Variants in ANO2 observed in about 807,000 individuals in gnomAD.
ANO2 encodes the protein anoctamin-2.
ANO2 carries 101 observed loss-of-function variants against 124.2 expected under a neutral mutation model. That is an observed-to-expected ratio of 0.81 (90% CI 0.69 to 0.96). The LOEUF (loss-of-function observed/expected upper bound fraction) is 0.96, where lower values mean the gene tolerates loss of function less well. Among genes scored for constraint, ANO2 ranks in the 40% least tolerant of loss-of-function variants. The pLI, the probability that ANO2 is intolerant of heterozygous loss-of-function variation, is 0.00. For missense variants in ANO2, 1,293 were observed against 1,274.5 expected (o/e 1.01, Z -0.22); for synonymous variants, 486 against 482.5 (o/e 1.01, Z -0.09).
rs534247417 is a variant in ANO2, at chr12:5,635,851, T to C, written c.1621-504A>G. 3.5e-4 allele frequency among the ~76,000 whole-genome samples: 53 copies of C among 152,282 alleles called. 1 individual carries two copies. The South Asian group carries it at 9.7e-3, about 28-fold the overall frequency. On this transcript the variant is annotated intron_variant, in intron 15 of 24. Coordinates refer to ENST00000682330, the MANE Select transcript of ANO2 (RefSeq NM_001364791.2). This position sits in a 1 kb window ranked among gnomAD's most constrained non-coding sequence, Gnocchi z 5.2. ...TAAATTTGAGTGGTCAGGGAATAGTTTGTGGAGACAGTGGGATTTAAAATG... is the reference window on the plus strand; with the variant it reads ...TAAATTTGAGTGGTCAGGGAATAGTCTGTGGAGACAGTGGGATTTAAAATG...
At chr12:5,638,329 G>A (rs1176187326) in intron 15 of ANO2, among the ~76,000 whole-genome samples, 1 of 146,842 alleles carries the variant, frequency 6.8e-6, no homozygotes, top group Non-Finnish European at 1.5e-5. Context: ...TCCGCCTCCT[G>A]GGTTCACGCC....
At chr12:5,617,074 C>CGTACCGCACTCTCCAGATCACACT in intron 16 of ANO2, among the ~76,000 whole-genome samples, 1 of 150,920 alleles carries the variant, frequency 6.6e-6, no homozygotes, top group Non-Finnish European at 1.5e-5. Flanking sequence ...CAGATTACAC[C>CGTACCGCACTCTCCAGATCACACT]GTACCGCACT....
Position 5,922,589 on chromosome 12 carries a change from T to TTG in ANO2, c.207+30_207+31insCA. The TTG allele has an allele frequency of 6.9e-6, 10 of 1,449,798 alleles. No individual in the cohort carries two copies. In the African/African-American group the frequency reaches 1.2e-4, roughly 17 times the overall value. 89.8% of individuals were successfully genotyped at this position (1,449,798 alleles called of 1,614,324 possible). ...GGTGGCCTGCAACAGGGCTGGCCTA[T>TTG]CCCCCCACCCCACCCCCGCCCAGTA... On this transcript the variant is annotated intron_variant, in intron 2 of 24. Coordinates refer to ENST00000682330, the MANE Select transcript of ANO2 (RefSeq NM_001364791.2).
chr12:5,799,023 C>T (rs143384693), intron 10 of ANO2, among the ~76,000 whole-genome samples: 25 of 152,318 alleles, frequency 1.6e-4, no homozygotes, highest in Admixed American at 4.6e-4. Context: ...AACCCAGGGC[C>T]TAGTCTCTCC....
intron 4 of ANO2, among the ~76,000 whole-genome samples, chr12:5,846,747 C>T (rs567798592): frequency 1.2e-4 from 19 of 152,318 alleles, no homozygotes; most frequent in Non-Finnish European, 2.1e-4. Flanking sequence ...CTTCTCCCCT[C>T]TCAAATCTCC....
chr12:5,633,393 C>T (rs1432137649), intron 16 of ANO2, among the ~76,000 whole-genome samples: 1 of 152,158 alleles, frequency 6.6e-6, no homozygotes, highest in Admixed American at 6.5e-5. Flanking sequence ...CTCAGTTTTA[C>T]AGCTGATATT....
Position 5,821,723 on chromosome 12 carries a change from G to A in ANO2, c.892+6046C>T, listed in dbSNP as rs532805446. On this transcript the variant is annotated intron_variant, in intron 7 of 24. Coordinates refer to ENST00000682330, the MANE Select transcript of ANO2 (RefSeq NM_001364791.2). The stretch of plus-strand genomic sequence containing the variant: ...TGAACGTTTGACTATGGGTCATAAA[G>A]TCACCATGGCACCTGAACTGCCTAT... Among the ~76,000 whole-genome samples the A allele has an allele frequency of 1.4e-4, 22 of 152,336 alleles. No homozygotes were observed. In the East Asian group the frequency reaches 4.2e-3, roughly 29 times the overall value.
Position 5,769,591 on chromosome 12 carries a change from C to T in ANO2, c.1056-18621G>A, listed in dbSNP as rs1170442518. Among the ~76,000 whole-genome samples the T allele has an allele frequency of 6.6e-6, 1 of 152,182 alleles. No homozygotes were observed. Among genetic ancestry groups the T allele is most frequent in the African/African-American group, 2.4e-5 (1 of 41,440 alleles). ...CCAAGAGAAACGGTAAAGGCAAGTC[C>T]TGATTCCAGGTCTCCCTACCTACCT... On this transcript the variant is annotated intron_variant, in intron 10 of 24. Transcript: ENST00000682330. This position sits in a 1 kb window ranked among gnomAD's most constrained non-coding sequence, Gnocchi z 4.0.
intron 4 of ANO2, among the ~76,000 whole-genome samples, chr12:5,850,138 G>A (rs767236620): frequency 2.6e-4 from 40 of 151,562 alleles, no homozygotes; most frequent in East Asian, 2.0e-4. Context: ...ATCTGGGGCC[G>A]GGTGCAGTGG....
At chr12:5,683,616 A>G (rs1948589913) in intron 14 of ANO2, among the ~76,000 whole-genome samples, 1 of 152,086 alleles carries the variant, frequency 6.6e-6, no homozygotes, top group Admixed American at 6.5e-5. Context: ...CCATGTCCTA[A>G]TTTTCAGTTC....
intron 12 of ANO2, chr12:5,740,016 A>T: frequency 2.2e-6 from 1 of 455,210 alleles, no homozygotes; most frequent in Admixed American, 2.4e-5. Context: ...ATAGTTGTAG[A>T]ATGCCTGCCA....
At chr12:5,716,065 A>T (rs1175335966) in intron 14 of ANO2, among the ~76,000 whole-genome samples, 8 of 152,216 alleles carry the variant, frequency 5.3e-5, no homozygotes, top group East Asian at 3.8e-4. Context: ...AATTTACATT[A>T]AAAAAGGGTT....
At chr12:5,647,888 T>C in intron 14 of ANO2, 87 bp from the exon 15 acceptor site, 8 of 959,994 alleles carry the variant, frequency 8.3e-6, no homozygotes, top group Non-Finnish European at 1.3e-5. Context: ...TTGCATGCGA[T>C]TGATCATTAT....
chr12:5,916,199 C>G (rs1305413568), intron 3 of ANO2, among the ~76,000 whole-genome samples: 2 of 152,066 alleles, frequency 1.3e-5, no homozygotes, highest in Non-Finnish European at 2.9e-5. Flanking sequence ...ATCACCGGCA[C>G]CTGGGGAGTT....
intron 20 of ANO2, among the ~76,000 whole-genome samples, chr12:5,589,945 C>A (rs1943313218): frequency 6.6e-6 from 1 of 151,964 alleles, no homozygotes; most frequent in African/African-American, 2.4e-5. Context: ...TTTTTGGACA[C>A]CGGAGGGATA....
intron 14 of ANO2, among the ~76,000 whole-genome samples, chr12:5,666,548 T>G: frequency 6.6e-6 from 1 of 152,154 alleles, no homozygotes; most frequent in East Asian, 1.9e-4. Flanking sequence ...TGACGTTTCA[T>G]GACCCAGAAG....
At chr12:5,882,728 C>T (rs560693084) in intron 3 of ANO2, among the ~76,000 whole-genome samples, 6 of 152,254 alleles carry the variant, frequency 3.9e-5, no homozygotes, top group Admixed American at 3.9e-4. Context: ...CCAAGTCGCC[C>T]ACATCCCCAA....
intron 10 of ANO2, among the ~76,000 whole-genome samples, chr12:5,795,522 C>T (rs1952819829): frequency 6.6e-6 from 1 of 152,242 alleles, no homozygotes; most frequent in African/African-American, 2.4e-5. Flanking sequence ...CACAAGTCAA[C>T]AGGCTGCAAT....
intron 8 of ANO2, 66 bp downstream of exon 8, chr12:5,807,247 C>A: frequency 1.4e-6 from 2 of 1,427,018 alleles, no homozygotes; most frequent in Non-Finnish European, 1.9e-6. Context: ...CTCACTGCCA[C>A]TGAAAAGTTG....
Sources: allele counts gnomAD v4.1 joint callset (sites outside exome capture counted in the v4.1 genomes callset), GRCh38; gene constraint gnomAD v4.1.1; non-coding constraint Gnocchi (gnomAD v3.1); transcripts MANE v1.5; gene names NCBI Gene and HGNC (gene_info 2026-07-23, HGNC 2026-07-21).